CCDC148: variants seen among roughly 807,000 people sequenced by gnomAD.
CCDC148 encodes coiled-coil domain-containing protein 148.
Under a neutral mutation model 85.7 loss-of-function variants are expected in CCDC148, and 89 were observed. That is an observed-to-expected ratio of 1.04 (90% CI 0.87 to 1.24). CCDC148 has a LOEUF of 1.24. CCDC148 is among the 50% of genes most tolerant of loss of function. The pLI is 0.00. For missense variants in CCDC148, 692 were observed against 671.7 expected, an observed-to-expected ratio of 1.03 and a Z score of -0.33; for synonymous variants, 230 against 213.9, an observed-to-expected ratio of 1.08 and a Z score of -0.66.
At chr2:158,296,211 A>T (rs538974608) in intron 9 of CCDC148, among the ~76,000 whole-genome samples, 62 of 152,314 alleles carry the variant, frequency 4.1e-4, no homozygotes, top group Non-Finnish European at 7.9e-4. Context: ...TCAGTTTTAC[A>T]TGTGGGTTTA....
chr2:158,364,061 T>C (rs930682362), intron 1 of CCDC148, among the ~76,000 whole-genome samples: 2 of 152,176 alleles, frequency 1.3e-5, no homozygotes, highest in African/African-American at 2.4e-5. Context: ...CCATTCATAA[T>C]TGCTACAAAG....
intron 10 of CCDC148, among the ~76,000 whole-genome samples, chr2:158,223,048 C>A (rs1687276846): frequency 6.6e-6 from 1 of 152,160 alleles, no homozygotes; most frequent in South Asian, 2.1e-4. Context: ...CACAAGGGGT[C>A]AGGGAATTGC....
At chr2:158,318,428 T>C (rs1462988329) in intron 7 of CCDC148, among the ~76,000 whole-genome samples, 1 of 152,088 alleles carries the variant, frequency 6.6e-6, no homozygotes, top group East Asian at 1.9e-4. Context: ...AGCCAAAACT[T>C]GTGCCAAATT....
intron 11 of CCDC148, among the ~76,000 whole-genome samples, chr2:158,204,073 T>C (rs1299670850): frequency 6.6e-6 from 1 of 152,222 alleles, no homozygotes; most frequent in Admixed American, 6.5e-5. Flanking sequence ...TTATTCTAGT[T>C]AGATTCCTCT....
At chr2:158,300,061 G>C (rs1189102919) in intron 9 of CCDC148, among the ~76,000 whole-genome samples, 1 of 152,114 alleles carries the variant, frequency 6.6e-6, no homozygotes, top group Non-Finnish European at 1.5e-5. Context: ...TCAATTTTAT[G>C]GGTAGTCAGG....
intron 9 of CCDC148, among the ~76,000 whole-genome samples, chr2:158,286,589 A>G (rs940425445): frequency 1.3e-5 from 2 of 152,208 alleles, no homozygotes; most frequent in African/African-American, 4.8e-5. Flanking sequence ...GGCATTTTCT[A>G]TAGCAACACT....
intron 9 of CCDC148, among the ~76,000 whole-genome samples, chr2:158,295,484 T>G (rs1691138774): frequency 6.6e-6 from 1 of 151,246 alleles, no homozygotes; most frequent in Admixed American, 6.6e-5. Context: ...AATAAAATAC[T>G]GGCAAACTGA....
intron 9 of CCDC148, among the ~76,000 whole-genome samples, chr2:158,307,129 C>T (rs1439533977): frequency 3.3e-5 from 5 of 151,334 alleles, no homozygotes; most frequent in African/African-American, 1.2e-4. Context: ...TTAAAGATGC[C>T]ATTAAGAGAA....
At chr2:158,276,598 C>T (rs1469478499) in intron 9 of CCDC148, among the ~76,000 whole-genome samples, 1 of 133,682 alleles carries the variant, frequency 7.5e-6, no homozygotes, top group Non-Finnish European at 1.6e-5. Context: ...AACAAAACAA[C>T]TGCCTCATTA....
intron 1 of CCDC148, among the ~76,000 whole-genome samples, chr2:158,370,838 G>T (rs999250051): frequency 1.3e-5 from 2 of 149,950 alleles, no homozygotes; most frequent in African/African-American, 2.5e-5. Context: ...TATATAAGAA[G>T]TTTGTAGGAC....
rs200092655 is a variant in CCDC148 at position 158,220,730 on chromosome 2, A to C, written c.1252-17T>G. ...TTTTTTTATCTATTGTATAAATGTT[A>C]CATAAAATTTAAATTAACAACAGAT... is the stretch of plus-strand genomic sequence containing the variant. On this transcript the variant is annotated splice_polypyrimidine_tract_variant and intron_variant, in intron 10 of 13. Coordinates refer to ENST00000283233, the MANE Select transcript of CCDC148 (RefSeq NM_138803.4). The C allele has an allele frequency of 6.5e-7, 1 of 1,527,274 alleles. No individual in the cohort carries two copies. The highest frequency in any genetic ancestry group is 1.4e-5 in the African/African-American group (1 of 70,494). 94.6% of individuals were successfully genotyped at this position (1,527,274 alleles called of 1,614,324 possible). A position where few individuals can be genotyped will look rare whatever the true frequency, so the allele number is the denominator to read the frequency against.
chr2:158,344,186 G>A (rs1248938360), intron 3 of CCDC148, among the ~76,000 whole-genome samples: 3 of 151,988 alleles, frequency 2.0e-5, no homozygotes, highest in Non-Finnish European at 4.4e-5. Context: ...AAATTCAATA[G>A]GCTCAAACAT....
chr2:158,193,888 T>C (rs1018487262), intron 11 of CCDC148, among the ~76,000 whole-genome samples: 4 of 114,948 alleles, frequency 3.5e-5, no homozygotes, highest in African/African-American at 1.3e-4. Context: ...CCCCAGTGTG[T>C]GATGTTCCCC....
intron 10 of CCDC148, among the ~76,000 whole-genome samples, chr2:158,232,123 T>C (rs1225188402): frequency 6.6e-6 from 1 of 152,174 alleles, no homozygotes; most frequent in African/African-American, 2.4e-5. Context: ...TACTTCCACA[T>C]GAGGTTTACA....
intron 10 of CCDC148, among the ~76,000 whole-genome samples, chr2:158,236,732 GC>G (rs1046474149): frequency 6.6e-6 from 1 of 152,116 alleles, no homozygotes; most frequent in African/African-American, 2.4e-5. Context: ...AGCTTGGCAT[GC>G]TTTCCTCTAC....
intron 1 of CCDC148, among the ~76,000 whole-genome samples, chr2:158,385,913 A>T (rs1373681147): frequency 1.3e-5 from 2 of 152,136 alleles, no homozygotes; most frequent in African/African-American, 4.8e-5. Flanking sequence ...CCTGGGAAGG[A>T]AGCCTCTGCA....
At chr2:158,392,340 C>T (rs1016404746) in intron 1 of CCDC148, among the ~76,000 whole-genome samples, 5 of 152,118 alleles carry the variant, frequency 3.3e-5, no homozygotes, top group Non-Finnish European at 5.9e-5. Flanking sequence ...TTTTTTATTA[C>T]ATATGCCTAC....
rs888994983 is a variant in CCDC148, at chr2:158,411,926, TC to T, written c.25+44488del. On this transcript the variant is annotated intron_variant, in intron 1 of 13. Transcript: ENST00000283233. ...TGCATGGGTGCACAGTGGAATCAGG[TC>T]AGGGGCATAGGTGTACATCACTGCT... Among the ~76,000 whole-genome samples the T allele has an allele frequency of 4.6e-4, 69 of 150,288 alleles. 2 individuals carry two copies. Among genetic ancestry groups the T allele is most frequent in the Non-Finnish European group, 1.0e-4 (7 of 67,326 alleles).
chr2:158,181,075 G>C (rs1684879049), intron 11 of CCDC148, among the ~76,000 whole-genome samples: 1 of 152,122 alleles, frequency 6.6e-6, no homozygotes, highest in Non-Finnish European at 1.5e-5. Flanking sequence ...CTGAGTACAA[G>C]CTAAGTGAAC....
Sources: allele counts gnomAD v4.1 joint callset (sites outside exome capture counted in the v4.1 genomes callset), GRCh38; gene constraint gnomAD v4.1.1; transcripts MANE v1.5; gene names NCBI Gene and HGNC (gene_info 2026-07-23, HGNC 2026-07-21).